The following PLXNC1 variants were observed in gnomAD, a reference collection of about 807,000 sequenced individuals.
The protein encoded by PLXNC1 is plexin C1.
PLXNC1 carries 75 observed loss-of-function variants against 178.2 expected under a neutral mutation model. The ratio of observed to expected loss-of-function variants is 0.42; its 90% CI spans 0.35 to 0.51. The LOEUF (loss-of-function observed/expected upper bound fraction) is 0.51, where lower values mean the gene tolerates loss of function less well. Among genes scored for constraint, PLXNC1 ranks in the 20% least tolerant of loss-of-function variants. PLXNC1 has a pLI of 0.02. For synonymous variants in PLXNC1, 790 were observed against 779.9 expected, an observed-to-expected ratio of 1.01 and a Z score of -0.22; for missense variants, 1,503 against 1,984.4, an observed-to-expected ratio of 0.76 and a Z score of 4.61.
At chr12:94,200,411 C>T (rs1033228075) in intron 4 of PLXNC1, among the ~76,000 whole-genome samples, 2 of 152,172 alleles carry the variant, frequency 1.3e-5, no homozygotes, top group Non-Finnish European at 2.9e-5. Flanking sequence ...GGTCTTCATT[C>T]GAAGCCTTCC....
chr12:94,202,402 G>C lies in PLXNC1; in HGVS notation c.1440-7188G>C, dbSNP rs1468941851. On this transcript the variant is annotated intron_variant, in intron 4 of 30. Coordinates refer to ENST00000258526, the MANE Select transcript of PLXNC1 (RefSeq NM_005761.3). ...TGGTCTTAGGCCCTGAGGGTGCAAA[G>C]GTGAATAAGGTGGGCCTTTCCCTTT... 2.0e-5 allele frequency among the ~76,000 whole-genome samples: 3 copies of C among 152,220 alleles called. No homozygotes were observed. In the East Asian group the frequency reaches 5.8e-4, roughly 29 times the overall value.
In PLXNC1 at chr12:94,227,184, A is replaced by G; in HGVS notation, c.1929A>G (p.Gly643=). ...QCPVAVEKTS[G]GGRPKENKGN... is the part of the protein sequence containing the mutation. ...CAGTGGCTGTCGAGAAGACATCAGG[A>G]GGAGGAAGACCCAAGGAGAACAAGG... The change falls in exon 9 of 31, where the codon GGA becomes GGG. Residue 643 remains glycine, a synonymous_variant. Transcript: ENST00000258526. 3 of 1,613,252 alleles carry G rather than the reference A, an allele frequency of 1.9e-6. No homozygotes were observed. The highest frequency in any genetic ancestry group is 2.5e-6 in the Non-Finnish European group (3 of 1,179,176).
chr12:94,180,454 T>G (rs1403834117), intron 2 of PLXNC1, among the ~76,000 whole-genome samples: 1 of 152,226 alleles, frequency 6.6e-6, no homozygotes, highest in Non-Finnish European at 1.5e-5. Flanking sequence ...AGTCTGCTGT[T>G]ACTCACCCCA....
intron 28 of PLXNC1, 97 bp from the exon 29 acceptor site, chr12:94,303,659 T>A (rs1968691716): frequency 9.1e-7 from 1 of 1,099,216 alleles, no homozygotes; most frequent in Non-Finnish European, 1.2e-6. Context: ...GTGGTGGGGG[T>A]TCAGCTACAT....
At chr12:94,204,990 G>C (rs1362624805) in intron 4 of PLXNC1, among the ~76,000 whole-genome samples, 3 of 152,204 alleles carry the variant, frequency 2.0e-5, no homozygotes, top group Non-Finnish European at 4.4e-5. Context: ...TGCTCTTGGT[G>C]AACAATTAGA....
chr12:94,283,798 T>C (rs976029267), intron 23 of PLXNC1, among the ~76,000 whole-genome samples: 3 of 152,074 alleles, frequency 2.0e-5, no homozygotes, highest in Admixed American at 6.5e-5. Context: ...AAGAGCAGGG[T>C]CTGGGCCAGG....
chr12:94,209,802 A>G (rs1429977232), intron 5 of PLXNC1, 98 bp downstream of exon 5: 19 of 753,940 alleles, frequency 2.5e-5, no homozygotes, highest in Non-Finnish European at 4.4e-5. Flanking sequence ...TTAGCAATCA[A>G]ACATGCTTAG....
In PLXNC1 at chr12:94,307,293, T is replaced by C. The variant is rs1190903503; in HGVS notation, c.*2008T>C. 1 of 152,190 alleles carries C rather than the reference T, an allele frequency of 6.6e-6. No homozygotes were observed. Among genetic ancestry groups the C allele is most frequent in the Non-Finnish European group, 1.5e-5 (1 of 68,028 alleles). The allele number at this position is 152,190 out of a possible 1,614,324, so 9.4% of individuals were successfully genotyped here. ...GAGGTGGTATGAAGATTCACTAATGTATGTAGCGTGTTTGTCAATCCTCCA... is the reference window on the plus strand; with the variant it reads ...GAGGTGGTATGAAGATTCACTAATGCATGTAGCGTGTTTGTCAATCCTCCA... On this transcript the variant is annotated 3_prime_UTR_variant, in exon 31 of 31. Transcript: ENST00000258526.
chr12:94,221,722 C>T (rs568745852), intron 6 of PLXNC1, among the ~76,000 whole-genome samples: 2 of 152,328 alleles, frequency 1.3e-5, no homozygotes, highest in African/African-American at 4.8e-5. Context: ...CCAGCAGATT[C>T]AGTGTCTGGT....
intron 17 of PLXNC1, among the ~76,000 whole-genome samples, chr12:94,256,570 C>G (rs1191651287): frequency 6.6e-6 from 1 of 152,030 alleles, no homozygotes; most frequent in African/African-American, 2.4e-5. Flanking sequence ...TTCCCCGAAT[C>G]AGGATGACTG....
chr12:94,184,234 C>T (rs927851262), intron 3 of PLXNC1, among the ~76,000 whole-genome samples: 2 of 151,618 alleles, frequency 1.3e-5, no homozygotes, highest in African/African-American at 4.8e-5. Context: ...TCTCCTGTCT[C>T]AGCCTCCCTA....
intron 9 of PLXNC1, 173 bp downstream of exon 9, chr12:94,227,408 A>G: frequency 1.9e-6 from 1 of 523,520 alleles, no homozygotes; most frequent in African/African-American, 1.9e-5. Flanking sequence ...GCAATACATC[A>G]ATGGCTGGAC....
intron 4 of PLXNC1, among the ~76,000 whole-genome samples, chr12:94,192,125 C>T (rs1013431001): frequency 6.6e-6 from 1 of 152,174 alleles, no homozygotes; most frequent in African/African-American, 2.4e-5. Context: ...GATTGATTCC[C>T]AAGCCAGCCC....
chr12:94,275,854 CAAAAAAAAAAAAAAA>C (rs34551603), intron 21 of PLXNC1, among the ~76,000 whole-genome samples: 234 of 23,100 alleles, frequency 0.01, 38 homozygotes, highest in Middle Eastern at 0.062. Context: ...GACTCCGTCT[CAAAAAAAAAAAAAAA>C]AAAAAAAAAA....
chr12:94,215,452 C>A (rs1963616952), intron 5 of PLXNC1, among the ~76,000 whole-genome samples: 1 of 151,096 alleles, frequency 6.6e-6, no homozygotes, highest in Admixed American at 6.6e-5. Context: ...ATATAAAATT[C>A]ATCTGGAATA....
At chr12:94,280,646 T>A (rs1047425380) in intron 22 of PLXNC1, among the ~76,000 whole-genome samples, 5 of 152,166 alleles carry the variant, frequency 3.3e-5, no homozygotes, top group Non-Finnish European at 7.4e-5. Flanking sequence ...CTCATTTGGT[T>A]AGATACAGGA....
chr12:94,169,367 A>G (rs1961755566), intron 2 of PLXNC1, 74 bp downstream of exon 2: 16 of 1,330,250 alleles, frequency 1.2e-5, no homozygotes, highest in Non-Finnish European at 1.7e-5. Context: ...CATTTTTTTA[A>G]TGCTTCTGGG....
chr12:94,257,324 G>A (rs911489806), intron 17 of PLXNC1, among the ~76,000 whole-genome samples: 1 of 152,198 alleles, frequency 6.6e-6, no homozygotes, highest in Non-Finnish European at 1.5e-5. Context: ...AGGGTTCTTT[G>A]CTCTGCCTGT....
Position 94,181,825 on chromosome 12 carries a change from C to T in PLXNC1, c.1338+245C>T, listed in dbSNP as rs115103349. Among the ~76,000 whole-genome samples, 836 of 152,174 alleles carry T rather than the reference C, an allele frequency of 5.5e-3. 11 individuals carry two copies. Among genetic ancestry groups the T allele is most frequent in the African/African-American group, 0.019 (804 of 41,508 alleles). The stretch of plus-strand genomic sequence containing the variant: ...GCTATATTTCCAGTGCCAAGTTTTT[C>T]AGAGGAGGGTGTGCTTGGAAATGGG... On this transcript the variant is annotated intron_variant, in intron 3 of 30. Transcript: ENST00000258526.
Sources: allele counts gnomAD v4.1 joint callset (sites outside exome capture counted in the v4.1 genomes callset), GRCh38; gene constraint gnomAD v4.1.1; transcripts MANE v1.5; gene names NCBI Gene and HGNC (gene_info 2026-07-23, HGNC 2026-07-21).